SSBP3: variants seen among roughly 807,000 people sequenced by gnomAD.
SSBP3 encodes the protein single stranded DNA binding protein 3, also known as single-stranded DNA-binding protein 3.
In SSBP3, 5 loss-of-function variants were observed where a neutral mutation model predicts 69.6. The ratio of observed to expected loss-of-function variants is 0.07; its 90% CI spans 0.04 to 0.15. SSBP3 has a LOEUF of 0.15. SSBP3 is among the 10% of genes least tolerant of loss of function. The pLI, the probability that SSBP3 is intolerant of heterozygous loss-of-function variation, is 1.00. For synonymous variants in SSBP3, 196 were observed against 193.4 expected, an observed-to-expected ratio of 1.01 and a Z score of -0.11; for missense variants, 312 against 534.0, an observed-to-expected ratio of 0.58 and a Z score of 4.10.
chr1:54,327,255 AGG>A (rs1646325137), intron 4 of SSBP3, among the ~76,000 whole-genome samples: 1 of 151,636 alleles, frequency 6.6e-6, no homozygotes, highest in African/African-American at 2.4e-5. Flanking sequence ...GAAGGAAGGA[AGG>A]AAGGAAGGAA....
intron 4 of SSBP3, among the ~76,000 whole-genome samples, chr1:54,295,152 C>T (rs1645683121): frequency 6.6e-6 from 1 of 152,098 alleles, no homozygotes. Context: ...TTGAGAGGGG[C>T]AGAGAGAAGG....
intron 4 of SSBP3, among the ~76,000 whole-genome samples, chr1:54,377,320 C>T (rs1259069084): frequency 6.6e-6 from 1 of 152,242 alleles, no homozygotes; most frequent in Non-Finnish European, 1.5e-5. Context: ...ACTCCGTAAA[C>T]CCGAAGGGCA....
intron 4 of SSBP3, among the ~76,000 whole-genome samples, chr1:54,305,752 C>G (rs1645889065): frequency 6.6e-6 from 1 of 151,660 alleles, no homozygotes; most frequent in Admixed American, 6.6e-5. Flanking sequence ...GCCACTGCGT[C>G]CGGCTGAGTT....
Position 54,363,545 on chromosome 1 carries a change from C to T in SSBP3, c.276+38316G>A, listed in dbSNP as rs544756304. On this transcript the variant is annotated intron_variant, in intron 4 of 17. Transcript: ENST00000610401. ...TACTCTACGCCCCTTACTCTCACAC[C>T]AACCACAATCTTCTCTGGCCCTCAA... Among the ~76,000 whole-genome samples, 9 of 152,210 alleles carry T rather than the reference C, an allele frequency of 5.9e-5. 1 individual carries two copies. In the South Asian group the frequency reaches 1.9e-3, roughly 32 times the overall value.
At chr1:54,302,829 G>C (rs553042992) in intron 4 of SSBP3, among the ~76,000 whole-genome samples, 1 of 152,320 alleles carries the variant, frequency 6.6e-6, no homozygotes, top group African/African-American at 2.4e-5. Context: ...TGACTTGTTT[G>C]CAGCTGCAGA....
At chr1:54,277,579 T>C (rs1645312615) in intron 5 of SSBP3, among the ~76,000 whole-genome samples, 1 of 152,238 alleles carries the variant, frequency 6.6e-6, no homozygotes, top group African/African-American at 2.4e-5. Context: ...CCAATCTGCA[T>C]GCCTTCTCTG....
chr1:54,382,845 C>T (rs943589194), intron 4 of SSBP3, among the ~76,000 whole-genome samples: 2 of 151,990 alleles, frequency 1.3e-5, no homozygotes, highest in African/African-American at 2.4e-5. Flanking sequence ...ATTAGCTGGG[C>T]ATGGTGGCGC....
intron 5 of SSBP3, among the ~76,000 whole-genome samples, chr1:54,279,946 G>C (rs1322154671): frequency 2.0e-5 from 3 of 152,178 alleles, no homozygotes; most frequent in Non-Finnish European, 4.4e-5. Context: ...GCCTGGTCCA[G>C]TCCAACCTGG....
chr1:54,228,595 A>AGGGCTTTCTGTGCGGC, intron 15 of SSBP3, 118 bp from the exon 16 acceptor site: 1 of 1,507,898 alleles, frequency 6.6e-7, no homozygotes, highest in East Asian at 2.4e-5. Context: ...CACTGTGCGG[A>AGGGCTTTCTGTGCGGC]GGGCTTTCTG....
At chr1:54,352,420 T>C (rs1178703375) in intron 4 of SSBP3, among the ~76,000 whole-genome samples, 1 of 152,070 alleles carries the variant, frequency 6.6e-6, no homozygotes, top group Non-Finnish European at 1.5e-5. Context: ...TCAAGTGACT[T>C]CTCCATAAAA....
At chr1:54,291,850 T>C (rs1231717589) in intron 4 of SSBP3, among the ~76,000 whole-genome samples, 1 of 152,214 alleles carries the variant, frequency 6.6e-6, no homozygotes, top group Non-Finnish European at 1.5e-5. Flanking sequence ...AGGCAAGGAA[T>C]AGCATAGATG....
intron 5 of SSBP3, among the ~76,000 whole-genome samples, chr1:54,262,065 T>C (rs1158928886): frequency 6.6e-6 from 1 of 152,164 alleles, no homozygotes; most frequent in Non-Finnish European, 1.5e-5. Context: ...TGCATCTCTT[T>C]TAGATGAAGA....
intron 5 of SSBP3, among the ~76,000 whole-genome samples, chr1:54,280,308 G>C (rs919415748): frequency 3.3e-5 from 5 of 152,182 alleles, no homozygotes; most frequent in Non-Finnish European, 5.9e-5. Flanking sequence ...GGAGACGTTT[G>C]TCAGGTCTTT....
intron 4 of SSBP3, among the ~76,000 whole-genome samples, chr1:54,347,386 A>G (rs1316573890): frequency 6.6e-6 from 1 of 151,078 alleles, no homozygotes; most frequent in African/African-American, 2.4e-5. Flanking sequence ...AAAAAAAAAA[A>G]GATGGGGTCT....
At chr1:54,368,239 A>G (rs961324653) in intron 4 of SSBP3, among the ~76,000 whole-genome samples, 2 of 148,554 alleles carry the variant, frequency 1.3e-5, no homozygotes, top group East Asian at 2.0e-4. Flanking sequence ...CGGAGCTTGC[A>G]GTGAGCCAAG....
upstream of SSBP3, among the ~76,000 whole-genome samples, chr1:54,407,949 G>A (rs1162018841): frequency 6.6e-6 from 1 of 152,008 alleles, no homozygotes; most frequent in Non-Finnish European, 1.5e-5. Flanking sequence ...TGCTTATTTT[G>A]ATCTGTAGAA....
Position 54,386,683 on chromosome 1 carries a change from C to CTTTTTTTTTTTTTTTTTTTTTTTT in SSBP3, c.276+15177_276+15178insAAAAAAAAAAAAAAAAAAAAAAAA, listed in dbSNP as rs58429798. ...ATCCACAATGTATAAACTGATCCTACTTTTTTTTTTTTTTTTTTTTTAAGA... is the reference window on the plus strand; with the variant it reads ...ATCCACAATGTATAAACTGATCCTACTTTTTTTTTTTTTTTTTTTTTTTTTTTTTTTTTTTTTTTTTTTTTAAGA... On this transcript the variant is annotated intron_variant, in intron 4 of 17. Transcript: ENST00000610401. Among the ~76,000 whole-genome samples the CTTTTTTTTTTTTTTTTTTTTTTTT allele has an allele frequency of 2.2e-3, 171 of 76,070 alleles. 27 individuals are homozygous for CTTTTTTTTTTTTTTTTTTTTTTTT. The highest frequency in any genetic ancestry group is 3.6e-3 in the East Asian group (10 of 2,806). The allele number at this position is 76,070 out of a possible 152,430, so 49.9% of individuals were successfully genotyped here.
chr1:54,254,507 C>G (rs1056678354), intron 7 of SSBP3, among the ~76,000 whole-genome samples: 1 of 152,220 alleles, frequency 6.6e-6, no homozygotes, highest in Non-Finnish European at 1.5e-5. Context: ...AGGCAGGCCT[C>G]GTAAGACCCT....
intron 4 of SSBP3, among the ~76,000 whole-genome samples, chr1:54,314,597 G>C (rs1646062703): frequency 6.6e-6 from 1 of 152,234 alleles, no homozygotes; most frequent in Non-Finnish European, 1.5e-5. Flanking sequence ...AGTTAGTTGG[G>C]TCTGATACCT....
Sources: allele counts gnomAD v4.1 joint callset (sites outside exome capture counted in the v4.1 genomes callset), GRCh38; gene constraint gnomAD v4.1.1; transcripts MANE v1.5; gene names NCBI Gene and HGNC (gene_info 2026-07-23, HGNC 2026-07-21).